Variants in HS3ST4 observed in about 807,000 individuals in gnomAD.
The protein encoded by HS3ST4 is heparan sulfate glucosamine 3-O-sulfotransferase 4.
A neutral mutation model predicts 29.2 loss-of-function variants in HS3ST4; 17 were observed. The ratio of observed to expected loss-of-function variants is 0.58; its 90% confidence interval spans 0.40 to 0.87. The LOEUF is 0.87. HS3ST4 is among the 40% of genes least tolerant of loss of function. The pLI is 0.00. For missense variants in HS3ST4, 627 were observed against 634.5 expected (o/e 0.99, Z 0.13); for synonymous variants, 314 against 285.7 (o/e 1.10, Z -1.00).
chr16:26,015,634 T>A (rs1044969004), intron 1 of HS3ST4, among the ~76,000 whole-genome samples: 1 of 152,198 alleles, frequency 6.6e-6, no homozygotes, highest in African/African-American at 2.4e-5. Context: ...ATTGCATGGT[T>A]GGTCTTTGTG....
intron 1 of HS3ST4, among the ~76,000 whole-genome samples, chr16:25,748,442 A>T (rs1966698535): frequency 6.6e-6 from 1 of 152,150 alleles, no homozygotes; most frequent in African/African-American, 2.4e-5. Context: ...CCCAGCTCCT[A>T]CCTTCCCACC....
intron 1 of HS3ST4, among the ~76,000 whole-genome samples, chr16:25,932,788 T>C (rs1457247265): frequency 6.6e-6 from 1 of 152,196 alleles, no homozygotes; most frequent in Non-Finnish European, 1.5e-5. Context: ...AAAGGACTTC[T>C]TCCAGGCAAA....
intron 1 of HS3ST4, among the ~76,000 whole-genome samples, chr16:25,774,938 A>G (rs1382632513): frequency 1.3e-5 from 2 of 152,180 alleles, no homozygotes; most frequent in African/African-American, 2.4e-5. Context: ...AGCTCATAGC[A>G]TGGCATCTGG....
In HS3ST4 at chr16:25,782,618, C is replaced by A. The variant is rs571440225; in HGVS notation, c.734+89467C>A. ...TGTCTCAGGATTATATTATAGCAAA[C>A]CTGATTAAGGCAGTTCTAGATTAGT... On this transcript the variant is annotated intron_variant, in intron 1 of 1. Transcript: ENST00000331351. 3.3e-5 allele frequency among the ~76,000 whole-genome samples: 5 copies of A among 152,214 alleles called. No homozygotes were observed. In the East Asian group the frequency reaches 9.6e-4, roughly 29 times the overall value.
chr16:25,936,758 T>G (rs1484605228), intron 1 of HS3ST4, among the ~76,000 whole-genome samples: 1 of 152,232 alleles, frequency 6.6e-6, no homozygotes, highest in Admixed American at 6.5e-5. Flanking sequence ...CAGATTAGGA[T>G]GCATTGTAGT....
chr16:26,007,473 G>A (rs1969269013), intron 1 of HS3ST4, among the ~76,000 whole-genome samples: 1 of 152,170 alleles, frequency 6.6e-6, no homozygotes, highest in South Asian at 2.1e-4. Context: ...TTCGTGAAAT[G>A]GGAATGTTAA....
At chr16:25,839,340 C>T (rs868317474) in intron 1 of HS3ST4, among the ~76,000 whole-genome samples, 4 of 152,130 alleles carry the variant, frequency 2.6e-5, no homozygotes, top group Non-Finnish European at 5.9e-5. Context: ...GGTGACCTTC[C>T]CTTTGAAAGA....
Position 25,753,858 on chromosome 16 carries a change from A to T in HS3ST4, c.734+60707A>T, listed in dbSNP as rs538803881. 2.1e-3 allele frequency among the ~76,000 whole-genome samples: 314 copies of T among 152,212 alleles called. 1 individual carries two copies. Among genetic ancestry groups the T allele is most frequent in the Middle Eastern group, 0.014 (4 of 294 alleles). On this transcript the variant is annotated intron_variant, in intron 1 of 1. Coordinates refer to ENST00000331351, the MANE Select transcript of HS3ST4 (RefSeq NM_006040.3). ...CAATAAATTTATTAAATTTTCCCGT[A>T]TTTATTCAGCACCTACAATGTGTCT...
chr16:25,928,736 A>G (rs781504277), intron 1 of HS3ST4, among the ~76,000 whole-genome samples: 6 of 152,106 alleles, frequency 3.9e-5, no homozygotes, highest in Non-Finnish European at 8.8e-5. Context: ...AACCCTCTCC[A>G]TGGGCTTTTC....
intron 1 of HS3ST4, among the ~76,000 whole-genome samples, chr16:25,966,676 C>T (rs1968846092): frequency 6.8e-6 from 1 of 148,000 alleles, no homozygotes; most frequent in Admixed American, 6.7e-5. Context: ...AATTATATCA[C>T]TGTTCTCTGT....
chr16:25,838,675 C>T (rs868398475), intron 1 of HS3ST4, among the ~76,000 whole-genome samples: 1 of 152,046 alleles, frequency 6.6e-6, no homozygotes, highest in African/African-American at 2.4e-5. Context: ...TTCCTAGACC[C>T]GCCCACTCTT....
At chr16:25,792,522 GT>G (rs1237254661) in intron 1 of HS3ST4, among the ~76,000 whole-genome samples, 2 of 151,804 alleles carry the variant, frequency 1.3e-5, no homozygotes, top group Non-Finnish European at 2.9e-5. Flanking sequence ...TCCTGCATCA[GT>G]TTTGCTAAAT....
chr16:25,787,791 A>G (rs1210675285), intron 1 of HS3ST4, among the ~76,000 whole-genome samples: 1 of 152,176 alleles, frequency 6.6e-6, no homozygotes, highest in Non-Finnish European at 1.5e-5. Context: ...AATATTATGG[A>G]ATAGGTTAGA....
intron 1 of HS3ST4, among the ~76,000 whole-genome samples, chr16:25,842,296 A>T (rs1001234082): frequency 2.0e-5 from 3 of 152,236 alleles, no homozygotes; most frequent in African/African-American, 4.8e-5. Context: ...TGATATTAAC[A>T]TCTAAGAATT....
chr16:25,783,656 A>G (rs964841662), intron 1 of HS3ST4, among the ~76,000 whole-genome samples: 21 of 152,182 alleles, frequency 1.4e-4, no homozygotes, highest in Non-Finnish European at 2.9e-4. Flanking sequence ...AATTTTTTTT[A>G]CACTCAGAAA....
At chr16:25,931,951 A>G (rs962508112) in intron 1 of HS3ST4, among the ~76,000 whole-genome samples, 3 of 152,118 alleles carry the variant, frequency 2.0e-5, no homozygotes, top group African/African-American at 7.2e-5. Context: ...TGAAAGGGAC[A>G]TGGTTCCTAA....
intron 1 of HS3ST4, among the ~76,000 whole-genome samples, chr16:25,793,030 A>G (rs1966873147): frequency 6.6e-6 from 1 of 151,898 alleles, no homozygotes; most frequent in South Asian, 2.1e-4. Flanking sequence ...CATGGTTACT[A>G]ACAATTGTGT....
At chr16:25,786,165 TG>T (rs1966857395) in intron 1 of HS3ST4, among the ~76,000 whole-genome samples, 1 of 152,072 alleles carries the variant, frequency 6.6e-6, no homozygotes, top group Admixed American at 6.6e-5. Flanking sequence ...TGACTAGGTC[TG>T]GGGGGAAATG....
intron 1 of HS3ST4, among the ~76,000 whole-genome samples, chr16:25,916,418 A>C (rs1225275166): frequency 6.6e-6 from 1 of 152,010 alleles, no homozygotes; most frequent in Non-Finnish European, 1.5e-5. Context: ...GCTGGAGTAC[A>C]ATGGCACTAT....
Sources: gnomAD v4.1 joint callset for allele counts (sites outside exome capture counted in the v4.1 genomes callset) on GRCh38, gnomAD v4.1.1 for gene constraint, MANE v1.5 for transcripts, NCBI Gene and HGNC (gene_info 2026-07-23, HGNC 2026-07-21) for gene names.